The following CERK variants were observed in gnomAD, a reference collection of about 807,000 sequenced individuals.
The protein encoded by CERK is acylsphingosine kinase.
A neutral mutation model predicts 63.4 loss-of-function variants in CERK; 39 were observed. The observed-to-expected ratio is 0.61, with a 90% CI of 0.48 to 0.80. The LOEUF is 0.80. Ranked by LOEUF, CERK falls within the 30% of genes least tolerant of loss-of-function variation. The probability of loss-of-function intolerance (pLI) is 0.00; values close to 1 mark genes in which losing one functional copy is unlikely to be tolerated. For synonymous variants in CERK, 302 were observed against 280.0 expected, an observed-to-expected ratio of 1.08 and a Z score of -0.78; for missense variants, 670 against 714.1, an observed-to-expected ratio of 0.94 and a Z score of 0.70.
At chr22:46,733,266 A>AC (rs1467125457) in intron 1 of CERK, among the ~76,000 whole-genome samples, 1 of 150,048 alleles carries the variant, frequency 6.7e-6, no homozygotes, top group Non-Finnish European at 1.5e-5. Flanking sequence ...TGCAAATATC[A>AC]CCCCCATCAT....
chr22:46,691,942 CT>C (rs1428388103), intron 10 of CERK, among the ~76,000 whole-genome samples, 165 bp from the exon 11 acceptor site: 1 of 152,214 alleles, frequency 6.6e-6, no homozygotes, highest in East Asian at 1.9e-4. Flanking sequence ...CACCACGGAA[CT>C]GTCCGCTCCC....
chr22:46,737,874 C>A, intron 1 of CERK, 133 bp downstream of exon 1: 2 of 472,020 alleles, frequency 4.2e-6, no homozygotes, highest in Non-Finnish European at 6.0e-6. Flanking sequence ...CCCTCCCTGG[C>A]GCCTGCGCTC....
chr22:46,720,253 C>T (rs1445900976), intron 2 of CERK, 45 bp from the exon 3 acceptor site: 4 of 1,577,804 alleles, frequency 2.5e-6, no homozygotes, highest in East Asian at 4.6e-5. Context: ...TTTGCAGGGT[C>T]ACTGACAAAA....
intron 1 of CERK, among the ~76,000 whole-genome samples, chr22:46,724,637 T>C (rs1282920173): frequency 1.3e-5 from 2 of 152,092 alleles, no homozygotes; most frequent in African/African-American, 2.4e-5. Flanking sequence ...ATGAACCCCA[T>C]AGGGGATTAG....
intron 1 of CERK, among the ~76,000 whole-genome samples, chr22:46,722,020 A>G (rs2082895055): frequency 6.6e-6 from 1 of 152,232 alleles, no homozygotes; most frequent in African/African-American, 2.4e-5. Context: ...CCAGGAGAGC[A>G]TGGGATTGAA....
intron 1 of CERK, among the ~76,000 whole-genome samples, chr22:46,722,440 G>T (rs2082896946): frequency 6.6e-6 from 1 of 152,160 alleles, no homozygotes; most frequent in Non-Finnish European, 1.5e-5. Context: ...AGTCTGGCTG[G>T]AGAGCAGAGG....
chr22:46,736,731 G>A (rs1240334797), intron 1 of CERK, among the ~76,000 whole-genome samples: 1 of 152,166 alleles, frequency 6.6e-6, no homozygotes, highest in Non-Finnish European at 1.5e-5. Flanking sequence ...GAAACCAAGT[G>A]TTGGTCATGG....
Position 46,701,488 on chromosome 22 carries a change from G to C in CERK, c.790+148C>G. The C allele has an allele frequency of 6.3e-6, 4 of 631,922 alleles. No individual in the cohort carries two copies. The South Asian group carries it at 8.6e-5, about 14-fold the overall frequency. 39.1% of individuals were successfully genotyped at this position (631,922 alleles called of 1,614,324 possible). A position where few individuals can be genotyped will look rare whatever the true frequency, so the allele number is the denominator to read the frequency against. On this transcript the variant is annotated intron_variant, in intron 7 of 12. Transcript: ENST00000216264. ...GCTGCGTGCTGAGTGGGATCACAGC[G>C]CAGCGAGCAGAGCAGGGGACACAGC... is the stretch of plus-strand genomic sequence containing the variant.
At chr22:46,704,304 G>A (rs1360120525) in intron 6 of CERK, among the ~76,000 whole-genome samples, 1 of 152,228 alleles carries the variant, frequency 6.6e-6, no homozygotes, top group African/African-American at 2.4e-5. Flanking sequence ...TTTAAGAGCT[G>A]AGGATTTTAG....
At chr22:46,711,215 T>A in intron 4 of CERK, 66 bp from the exon 5 acceptor site, 1 of 1,208,740 alleles carries the variant, frequency 8.3e-7, no homozygotes, top group Admixed American at 1.7e-5. Context: ...AAAAGGCAAA[T>A]CATCCATTCT....
chr22:46,737,964 C>G, intron 1 of CERK, 43 bp downstream of exon 1: 4 of 1,147,284 alleles, frequency 3.5e-6, no homozygotes, highest in Non-Finnish European at 4.3e-6. Flanking sequence ...CGCCCCCGCT[C>G]CCTGGCCAGG....
At chr22:46,731,385 G>A (rs1418854508) in intron 1 of CERK, among the ~76,000 whole-genome samples, 1 of 152,232 alleles carries the variant, frequency 6.6e-6, no homozygotes, top group Non-Finnish European at 1.5e-5. Context: ...GGCCTGGCGG[G>A]AGCTGTACCC....
At chr22:46,709,252 TG>T (rs1473043759) in intron 5 of CERK, among the ~76,000 whole-genome samples, 1 of 152,178 alleles carries the variant, frequency 6.6e-6, no homozygotes, top group African/African-American at 2.4e-5. Flanking sequence ...GGCATGTCCC[TG>T]GGTTTGGGGA....
Position 46,707,867 on chromosome 22 carries a change from G to A in CERK, c.691C>T (p.Leu231Phe). 1.2e-6 allele frequency: 2 copies of A among 1,612,754 alleles called. No homozygotes were observed. Among genetic ancestry groups the A allele is most frequent in the Non-Finnish European group, 1.7e-6 (2 of 1,179,214 alleles). Residue 231 changes from leucine (L) to phenylalanine (F), a missense_variant, in exon 6 of 13, where the codon CTC becomes TTC. Coordinates refer to ENST00000216264, the MANE Select transcript of CERK (RefSeq NM_022766.6). ...HPRAVLVPSS[L>F]RIGIIPAGST... ...CCTGCGGGAATGATTCCAATCCGGA[G>A]GCTACTGGGGACCAGCACAGCCCGG...
chr22:46,733,913 A>G (rs1227496677), intron 1 of CERK, among the ~76,000 whole-genome samples: 1 of 151,940 alleles, frequency 6.6e-6, no homozygotes, highest in Non-Finnish European at 1.5e-5. Context: ...GCAGGTGCCC[A>G]TAATCCCAGC....
intron 6 of CERK, among the ~76,000 whole-genome samples, chr22:46,702,672 A>T (rs1422383046): frequency 6.6e-6 from 1 of 152,270 alleles, no homozygotes; most frequent in African/African-American, 2.4e-5. Flanking sequence ...CAGCCAGGAC[A>T]GGCAGCTCAG....
intron 1 of CERK, among the ~76,000 whole-genome samples, chr22:46,724,816 G>A (rs552594439): frequency 3.4e-4 from 52 of 152,192 alleles, no homozygotes; most frequent in South Asian, 1.2e-3. Context: ...TCAGGAGATC[G>A]AGACCACCCT....
chr22:46,708,810 C>T (rs2082826341), intron 5 of CERK, among the ~76,000 whole-genome samples: 1 of 152,126 alleles, frequency 6.6e-6, no homozygotes, highest in South Asian at 2.1e-4. Context: ...CTACGGCAGC[C>T]CAAGAGCTCT....
intron 9 of CERK, among the ~76,000 whole-genome samples, chr22:46,694,072 C>T (rs2082744390): frequency 6.6e-6 from 1 of 152,170 alleles, no homozygotes; most frequent in Non-Finnish European, 1.5e-5. Context: ...ACGCAAACAG[C>T]ATCTGCCTCT....
Sources: gnomAD v4.1 joint callset for allele counts (sites outside exome capture counted in the v4.1 genomes callset) on GRCh38, gnomAD v4.1.1 for gene constraint, MANE v1.5 for transcripts, NCBI Gene and HGNC (gene_info 2026-07-23, HGNC 2026-07-21) for gene names.